The following AP1S3 variants were observed in gnomAD, a reference collection of about 807,000 sequenced individuals.
The protein encoded by AP1S3 is AP-1 complex subunit sigma-3.
AP1S3 carries 10 observed loss-of-function variants against 20.9 expected under a neutral mutation model. The observed-to-expected ratio is 0.48, with a 90% CI of 0.29 to 0.81. AP1S3 has a LOEUF of 0.81. Among genes scored for constraint, AP1S3 ranks in the 30% least tolerant of loss-of-function variants. AP1S3 has a pLI of 0.08. For synonymous variants in AP1S3, 41 were observed against 61.5 expected, an observed-to-expected ratio of 0.67 and a Z score of 1.56; for missense variants, 154 against 183.8, an observed-to-expected ratio of 0.84 and a Z score of 0.94.
At chr2:223,782,011 CTTT>C (rs35909928) in intron 1 of AP1S3, among the ~76,000 whole-genome samples, 8 of 128,382 alleles carry the variant, frequency 6.2e-5, no homozygotes, top group Non-Finnish European at 3.4e-5. Flanking sequence ...GGCTTTAAGT[CTTT>C]TTTTTTTTTT....
chr2:223,758,842 C>T (rs1690285344), intron 4 of AP1S3, 92 bp from the exon 5 acceptor site: 3 of 1,144,466 alleles, frequency 2.6e-6, no homozygotes, highest in Non-Finnish European at 3.7e-6. Flanking sequence ...ATTTATTTGC[C>T]ATTGTTGAAA....
chr2:223,805,395 A>G (rs1574715632), intron 1 of AP1S3, among the ~76,000 whole-genome samples: 1 of 152,136 alleles, frequency 6.6e-6, no homozygotes, highest in South Asian at 2.1e-4. Flanking sequence ...GTGAGCCAAG[A>G]TCGCACCATT....
At chr2:223,801,967 A>G (rs1691477346) in intron 1 of AP1S3, among the ~76,000 whole-genome samples, 1 of 152,230 alleles carries the variant, frequency 6.6e-6, no homozygotes, top group Admixed American at 6.5e-5. Context: ...AAAAAGCTCT[A>G]AGTAAAGTTT....
At chr2:223,786,005 G>A (rs892676347) in intron 1 of AP1S3, among the ~76,000 whole-genome samples, 3 of 152,204 alleles carry the variant, frequency 2.0e-5, no homozygotes, top group African/African-American at 7.2e-5. Context: ...TGCAGCAGGT[G>A]TACTACTCTG....
Position 223,775,902 on chromosome 2 carries a change from T to G in AP1S3, c.290A>C (p.Asn97Thr). ...YVELLDKYFG[N>T]VCELDIIFNF... is the part of the protein sequence containing the mutation. ...CTAACCGACAAGGACAACACTTACA[T>G]TTCCAAAATATTTGTCCAGCAGCTC... is the stretch of plus-strand genomic sequence containing the variant. The change falls in exon 3 of 5, where the codon AAT (asparagine) becomes ACT (threonine). Residue 97 changes from asparagine (N) to threonine (T), a missense_variant and splice_region_variant. Asn to Thr is a moderately conservative substitution (Grantham distance 65). Transcript: ENST00000396654. 1 of 1,613,518 alleles carries G rather than the reference T, an allele frequency of 6.2e-7. No individual in the cohort carries two copies. The highest frequency in any genetic ancestry group is 1.7e-5 in the Admixed American group (1 of 60,012).
rs565870902 is a variant in AP1S3 at position 223,772,509 on chromosome 2, G to A, written c.291+3392C>T. The stretch of plus-strand genomic sequence containing the variant: ...TAGTCTGTAATGCAGAAATATGGCA[G>A]GTATCTAAATCCTCAGACTCTTATC... On this transcript the variant is annotated intron_variant, in intron 3 of 4. Transcript: ENST00000396654. 3.3e-5 allele frequency among the ~76,000 whole-genome samples: 5 copies of A among 152,276 alleles called. No individual in the cohort carries two copies. The South Asian group carries it at 1.0e-3, about 32-fold the overall frequency.
chr2:223,792,566 A>C (rs748907650), intron 1 of AP1S3, among the ~76,000 whole-genome samples: 2 of 152,198 alleles, frequency 1.3e-5, no homozygotes, highest in African/African-American at 2.4e-5. Context: ...ACCATATAAA[A>C]AATCAACTCA....
chr2:223,826,150 A>C (rs1044121426), intron 1 of AP1S3, among the ~76,000 whole-genome samples: 1 of 152,130 alleles, frequency 6.6e-6, no homozygotes, highest in African/African-American at 2.4e-5. Context: ...TTTTTCCTAT[A>C]GTAAATATGC....
At chr2:223,766,440 C>T (rs921017161) in intron 3 of AP1S3, among the ~76,000 whole-genome samples, 1 of 152,128 alleles carries the variant, frequency 6.6e-6, no homozygotes, top group Non-Finnish European at 1.5e-5. Flanking sequence ...TAATTGGATC[C>T]CATTTGTCTA....
At chr2:223,812,543 C>T (rs892674510) in intron 1 of AP1S3, among the ~76,000 whole-genome samples, 2 of 152,096 alleles carry the variant, frequency 1.3e-5, no homozygotes, top group African/African-American at 4.8e-5. Context: ...CTTTATAAAA[C>T]GTCAGAGCAG....
chr2:223,782,816 G>A (rs1275651581), intron 1 of AP1S3, among the ~76,000 whole-genome samples: 1 of 152,156 alleles, frequency 6.6e-6, no homozygotes, highest in African/African-American at 2.4e-5. Context: ...TGCTCTGCTT[G>A]AGAACTGAGC....
chr2:223,777,808 G>A lies in AP1S3; in HGVS notation c.65C>T (p.Thr22Ile). 6.2e-7 allele frequency: 1 copy of A among 1,614,084 alleles called. No individual in the cohort carries two copies. The highest frequency in any genetic ancestry group is 8.5e-7 in the Non-Finnish European group (1 of 1,179,952). Residue 22 changes from threonine (T) to isoleucine (I), a missense_variant, in exon 2 of 5, where the codon ACT becomes ATT. Transcript: ENST00000396654. ...CTTCTTCCTCTCTTTATCAGGGAGA[G>A]TGATGTACCATTTCTGTAGCCGTAA... ...GKLRLQKWYITLPDKERKKIT... is the reference protein window; with the variant it reads ...GKLRLQKWYIILPDKERKKIT...
intron 1 of AP1S3, among the ~76,000 whole-genome samples, chr2:223,793,680 C>G (rs577937977): frequency 6.6e-6 from 1 of 152,136 alleles, no homozygotes; most frequent in African/African-American, 2.4e-5. Context: ...GCAGCATGCT[C>G]AAGTATATAA....
chr2:223,807,867 C>CTTGTTT, intron 1 of AP1S3, among the ~76,000 whole-genome samples: 1 of 43,220 alleles, frequency 2.3e-5, no homozygotes, highest in Non-Finnish European at 3.8e-5. Flanking sequence ...CATTTCTTTT[C>CTTGTTT]TTTTTTTTTT....
At position 223,781,415 on chromosome 2, in the gene AP1S3, G is replaced by C. The variant is rs77727336; in HGVS notation, c.4-3546C>G. ...CACAGCATTTTTTTTTTTAGTATCTGTTTCACTATAACACAGGTATAAACA... is the reference window on the plus strand; with the variant it reads ...CACAGCATTTTTTTTTTTAGTATCTCTTTCACTATAACACAGGTATAAACA... On this transcript the variant is annotated intron_variant, in intron 1 of 4. Coordinates refer to ENST00000396654, the MANE Select transcript of AP1S3 (RefSeq NM_001039569.2). Among the ~76,000 whole-genome samples, 1,366 of 151,266 alleles carry C rather than the reference G, an allele frequency of 9.0e-3. 11 individuals carry two copies. The highest frequency in any genetic ancestry group is 0.028 in the African/African-American group (1,167 of 41,214).
intron 3 of AP1S3, chr2:223,773,383 T>C: frequency 7.7e-7 from 1 of 1,301,752 alleles, no homozygotes; most frequent in South Asian, 1.2e-5. Flanking sequence ...AGTACAAAAA[T>C]GTGAGAATTC....
At chr2:223,821,378 A>G (rs1691983342) in intron 1 of AP1S3, among the ~76,000 whole-genome samples, 1 of 151,842 alleles carries the variant, frequency 6.6e-6, no homozygotes, top group Non-Finnish European at 1.5e-5. Flanking sequence ...GCTGGTCTTG[A>G]ACTCCTGACC....
chr2:223,813,284 C>T, intron 1 of AP1S3, among the ~76,000 whole-genome samples: 1 of 152,146 alleles, frequency 6.6e-6, no homozygotes, highest in East Asian at 1.9e-4. Flanking sequence ...AGCAATTTTC[C>T]TATGACTTTC....
chr2:223,813,285 T>C (rs1464060067), intron 1 of AP1S3, among the ~76,000 whole-genome samples: 1 of 152,166 alleles, frequency 6.6e-6, no homozygotes, highest in African/African-American at 2.4e-5. Flanking sequence ...GCAATTTTCC[T>C]ATGACTTTCA....
Sources: allele counts gnomAD v4.1 joint callset (sites outside exome capture counted in the v4.1 genomes callset), GRCh38; gene constraint gnomAD v4.1.1; transcripts MANE v1.5; gene names NCBI Gene and HGNC (gene_info 2026-07-23, HGNC 2026-07-21).